The following SLC24A2 variants were observed in gnomAD, a reference collection of about 807,000 sequenced individuals.
SLC24A2 encodes sodium/potassium/calcium exchanger 2.
A neutral mutation model predicts 62.0 loss-of-function variants in SLC24A2; 36 were observed. That is an observed-to-expected ratio of 0.58 (90% CI 0.44 to 0.77). The LOEUF (loss-of-function observed/expected upper bound fraction) is 0.77, where lower values mean the gene tolerates loss of function less well. SLC24A2 is among the 30% of genes least tolerant of loss of function. The pLI is 0.00. For missense variants in SLC24A2, 846 were observed against 817.9 expected (o/e 1.03, Z -0.42); for synonymous variants, 358 against 294.0 (o/e 1.22, Z -2.23).
chr9:20,298,528 C>T, the SLC24A2 span, among the ~76,000 whole-genome samples: 1 of 152,198 alleles, frequency 6.6e-6, no homozygotes, highest in Non-Finnish European at 1.5e-5. Flanking sequence ...CGCACCCGGT[C>T]CAGAAAGACT....
chr9:19,938,863 G>A, the SLC24A2 span, among the ~76,000 whole-genome samples: 3 of 152,002 alleles, frequency 2.0e-5, no homozygotes, highest in Non-Finnish European at 2.9e-5. Context: ...TTTGGCATCC[G>A]CTACAGCTTG....
At chr9:20,159,315 G>A in the SLC24A2 span, among the ~76,000 whole-genome samples, 2 of 151,648 alleles carry the variant, frequency 1.3e-5, no homozygotes, top group Admixed American at 1.3e-4. Flanking sequence ...ATCCCATCAC[G>A]ATGAAATTTT....
chr9:19,888,156 A>ACT, the SLC24A2 span, among the ~76,000 whole-genome samples: 1 of 152,178 alleles, frequency 6.6e-6, no homozygotes, highest in Non-Finnish European at 1.5e-5. Flanking sequence ...ATCCTTTCCA[A>ACT]CCTTTTAGTG....
At chr9:20,154,447 C>T in the SLC24A2 span, among the ~76,000 whole-genome samples, 4 of 151,568 alleles carry the variant, frequency 2.6e-5, no homozygotes, top group African/African-American at 9.7e-5. Context: ...AATGGCTAAA[C>T]GGTTTTCACT....
chr9:19,640,420 T>G (rs1460137199), intron 2 of SLC24A2, among the ~76,000 whole-genome samples: 1 of 152,226 alleles, frequency 6.6e-6, no homozygotes, highest in Non-Finnish European at 1.5e-5. Context: ...TTAAAAAATT[T>G]TGAAAGCATA....
At chr9:19,523,637 AT>A (rs1408889909) in intron 9 of SLC24A2, among the ~76,000 whole-genome samples, 1 of 151,904 alleles carries the variant, frequency 6.6e-6, no homozygotes, top group African/African-American at 2.4e-5. Context: ...TAATTTTTGC[AT>A]TTTTAGTAGA....
chr9:20,036,867 T>C, the SLC24A2 span, among the ~76,000 whole-genome samples: 1 of 150,900 alleles, frequency 6.6e-6, no homozygotes, highest in South Asian at 2.1e-4. Flanking sequence ...TATATACATA[T>C]GTATATATGT....
chr9:20,019,209 AAGAAAGAAAGAC>A, the SLC24A2 span, among the ~76,000 whole-genome samples: 2 of 140,552 alleles, frequency 1.4e-5, no homozygotes, highest in Non-Finnish European at 3.1e-5. Flanking sequence ...AAGGAAAAGA[AAGAAAGAAAGAC>A]AGAAAGAAAG....
chr9:19,893,048 C>T, the SLC24A2 span, among the ~76,000 whole-genome samples: 1 of 152,204 alleles, frequency 6.6e-6, no homozygotes, highest in Admixed American at 6.5e-5. Flanking sequence ...TTTCCCCAAA[C>T]ACATTCCACC....
chr9:20,076,434 C>A, the SLC24A2 span, among the ~76,000 whole-genome samples: 2 of 152,078 alleles, frequency 1.3e-5, no homozygotes, highest in South Asian at 4.2e-4. Context: ...GAAGGGAGAA[C>A]CCCTGTGACA....
At chr9:19,947,250 A>G in the SLC24A2 span, among the ~76,000 whole-genome samples, 1 of 152,082 alleles carries the variant, frequency 6.6e-6, no homozygotes, top group Non-Finnish European at 1.5e-5. Context: ...AATAGCTACA[A>G]CCTCTGTCTG....
chr9:19,568,059 G>A (rs1040698219), intron 7 of SLC24A2, among the ~76,000 whole-genome samples: 3 of 152,162 alleles, frequency 2.0e-5, no homozygotes, highest in Non-Finnish European at 2.9e-5. Context: ...GGTGTATGGG[G>A]CTCATAATTT....
chr9:19,931,572 T>C, the SLC24A2 span, among the ~76,000 whole-genome samples: 1 of 152,360 alleles, frequency 6.6e-6, no homozygotes, highest in South Asian at 2.1e-4. Context: ...CAATAGAACA[T>C]CTAAATTGAC....
intron 7 of SLC24A2, among the ~76,000 whole-genome samples, chr9:19,572,184 C>T (rs1835855278): frequency 7.2e-6 from 1 of 139,858 alleles, no homozygotes. Flanking sequence ...TGCTTGAACC[C>T]AGGAGGTGGA....
At chr9:20,049,864 A>G in the SLC24A2 span, among the ~76,000 whole-genome samples, 4 of 152,066 alleles carry the variant, frequency 2.6e-5, no homozygotes, top group African/African-American at 9.7e-5. Context: ...GCACAATGGA[A>G]CAGACATGGC....
the SLC24A2 span, among the ~76,000 whole-genome samples, chr9:20,148,391 C>T: frequency 6.6e-6 from 1 of 152,006 alleles, no homozygotes; most frequent in Admixed American, 6.6e-5. Flanking sequence ...GTAGGTAAAA[C>T]TTACCCTTTG....
chr9:20,120,629 T>C, the SLC24A2 span, among the ~76,000 whole-genome samples: 1 of 152,252 alleles, frequency 6.6e-6, no homozygotes, highest in Admixed American at 6.5e-5. Flanking sequence ...GATAGAATTA[T>C]CTGTATATCA....
rs1832557761 is a variant in SLC24A2, at chr9:19,507,829, C to T, written c.*8324G>A. ...AGGGATGAGGATAGGGGTTACAATG[C>T]TCCTTTAAAACGGAGGCGAACAAAG... On this transcript the variant is annotated 3_prime_UTR_variant, in exon 11 of 11. Transcript: ENST00000341998. 1 of 152,188 alleles carries T rather than the reference C, an allele frequency of 6.6e-6. No homozygotes were observed. The highest frequency in any genetic ancestry group is 2.4e-5 in the African/African-American group (1 of 41,454). The allele number at this position is 152,188 out of a possible 1,614,324, so 9.4% of individuals were successfully genotyped here.
At chr9:19,898,658 C>T in the SLC24A2 span, among the ~76,000 whole-genome samples, 213 of 146,706 alleles carry the variant, frequency 1.5e-3, 1 homozygote, top group East Asian at 0.018. Context: ...AGGAGAATGG[C>T]GTGAACCCAG....
Sources: allele counts gnomAD v4.1 joint callset (sites outside exome capture counted in the v4.1 genomes callset), GRCh38; gene constraint gnomAD v4.1.1; transcripts MANE v1.5; gene names NCBI Gene and HGNC (gene_info 2026-07-23, HGNC 2026-07-21).